Variants in PDK1 observed in about 807,000 individuals in gnomAD.
PDK1 encodes pyruvate dehydrogenase kinase 1, also known as [Pyruvate dehydrogenase (acetyl-transferring)] kinase isozyme 1, mitochondrial.
A neutral mutation model predicts 54.2 loss-of-function variants in PDK1; 39 were observed. The observed-to-expected ratio is 0.72, with a 90% confidence interval of 0.56 to 0.94. PDK1 has a LOEUF of 0.94. Ranked by LOEUF, PDK1 falls within the 40% of genes least tolerant of loss-of-function variation. The probability of loss-of-function intolerance (pLI) is 0.00; values close to 1 mark genes in which losing one functional copy is unlikely to be tolerated. For missense variants in PDK1, 552 were observed against 566.0 expected (o/e 0.98, Z 0.25); for synonymous variants, 221 against 207.1 (o/e 1.07, Z -0.58).
the PDK1 span, among the ~76,000 whole-genome samples, chr2:172,644,407 T>A: frequency 6.6e-6 from 1 of 152,224 alleles, no homozygotes; most frequent in Non-Finnish European, 1.5e-5. Context: ...GGGCCTTTTT[T>A]AAGCCTCCTC....
chr2:172,633,507 T>C, the PDK1 span, among the ~76,000 whole-genome samples: 1 of 151,398 alleles, frequency 6.6e-6, no homozygotes, highest in Non-Finnish European at 1.5e-5. Context: ...CTGATTCTGA[T>C]AATTTATAGT....
chr2:172,558,974 A>G (rs1688508879), intron 2 of PDK1, 125 bp downstream of exon 2: 5 of 1,002,822 alleles, frequency 5.0e-6, no homozygotes, highest in Non-Finnish European at 5.8e-6. Flanking sequence ...TTTGAGACGG[A>G]GTCTTGCTCT....
At chr2:172,700,213 C>G in the PDK1 span, among the ~76,000 whole-genome samples, 2 of 152,214 alleles carry the variant, frequency 1.3e-5, no homozygotes, top group Admixed American at 6.5e-5. Context: ...CACTTCCCCC[C>G]TTTCTATTCG....
the PDK1 span, among the ~76,000 whole-genome samples, chr2:172,675,620 G>A: frequency 6.6e-6 from 1 of 152,164 alleles, no homozygotes. Flanking sequence ...AAAGTTTGAA[G>A]CTACTAGAGG....
intron 9 of PDK1, among the ~76,000 whole-genome samples, 177 bp from the exon 10 acceptor site, chr2:172,592,758 T>G (rs1015243367): frequency 1.3e-5 from 2 of 152,214 alleles, no homozygotes; most frequent in Non-Finnish European, 2.9e-5. Flanking sequence ...GATACAGTAC[T>G]CAAGTAAACC....
chr2:172,580,845 G>C (rs543462244), intron 8 of PDK1, among the ~76,000 whole-genome samples: 7 of 151,702 alleles, frequency 4.6e-5, no homozygotes, highest in Non-Finnish European at 8.8e-5. Context: ...CTAAGTGAAA[G>C]AAGCCAATCA....
At position 172,605,247 on chromosome 2, in the gene PDK1, A is replaced by T. The variant is rs1691248288; in HGVS notation, c.*9278A>T. On this transcript the variant is annotated 3_prime_UTR_variant, in exon 11 of 11. Transcript: ENST00000282077. Reference sequence around the variant, plus strand: ...ATACCATAATGCCTCCTTCTATTCCACTATGAACAGTCAAGGACACTGGAG... The same window carrying T: ...ATACCATAATGCCTCCTTCTATTCCTCTATGAACAGTCAAGGACACTGGAG... 6.6e-6 allele frequency: 1 copy of T among 151,982 alleles called. No homozygotes were observed. The highest frequency in any genetic ancestry group is 6.6e-5 in the Admixed American group (1 of 15,248). 9.4% of individuals were successfully genotyped at this position (151,982 alleles called of 1,614,324 possible). A position where few individuals can be genotyped will look rare whatever the true frequency, so the allele number is the denominator to read the frequency against.
the PDK1 span, among the ~76,000 whole-genome samples, chr2:172,622,528 T>C: frequency 1.4e-5 from 2 of 143,294 alleles, no homozygotes; most frequent in South Asian, 4.7e-4. Context: ...TTATATCATA[T>C]ATTATGTGAG....
the PDK1 span, among the ~76,000 whole-genome samples, chr2:172,700,975 C>A: frequency 6.6e-6 from 1 of 151,832 alleles, no homozygotes; most frequent in Non-Finnish European, 1.5e-5. Flanking sequence ...CTCGGCTTGG[C>A]ATCAGAGGGA....
intron 8 of PDK1, among the ~76,000 whole-genome samples, chr2:172,579,517 C>G (rs899686565): frequency 3.4e-5 from 5 of 145,624 alleles, no homozygotes; most frequent in African/African-American, 5.1e-5. Flanking sequence ...CCCCCTCCCC[C>G]GCTCTTTCTT....
At chr2:172,577,843 C>A (rs1689661614) in intron 8 of PDK1, among the ~76,000 whole-genome samples, 3 of 152,096 alleles carry the variant, frequency 2.0e-5, no homozygotes, top group Admixed American at 2.0e-4. Context: ...TCAGATAGGA[C>A]ACAAAAAGAG....
the PDK1 span, among the ~76,000 whole-genome samples, chr2:172,645,361 C>G: frequency 6.8e-6 from 1 of 147,802 alleles, no homozygotes; most frequent in African/African-American, 2.5e-5. Flanking sequence ...ACCTCTGCCT[C>G]CCGGGTTCAA....
At chr2:172,632,623 G>A in the PDK1 span, among the ~76,000 whole-genome samples, 1 of 152,108 alleles carries the variant, frequency 6.6e-6, no homozygotes, top group Non-Finnish European at 1.5e-5. Context: ...AGTCATTGTT[G>A]GCAGTTGGCA....
At chr2:172,703,119 C>T in the PDK1 span, among the ~76,000 whole-genome samples, 2 of 152,124 alleles carry the variant, frequency 1.3e-5, no homozygotes, top group Non-Finnish European at 2.9e-5. Flanking sequence ...GGAGATTTTG[C>T]ACACACATGC....
the PDK1 span, among the ~76,000 whole-genome samples, chr2:172,668,217 G>A: frequency 2.8e-3 from 424 of 151,760 alleles, 2 homozygotes; most frequent in African/African-American, 9.4e-3. Flanking sequence ...AGTAATAACT[G>A]CAAACCAGCA....
At chr2:172,658,907 C>A in the PDK1 span, among the ~76,000 whole-genome samples, 3 of 152,132 alleles carry the variant, frequency 2.0e-5, no homozygotes, top group Admixed American at 1.3e-4. Context: ...TGAACATAGA[C>A]CCTTATCAGG....
the PDK1 span, among the ~76,000 whole-genome samples, chr2:172,713,545 T>G: frequency 3.3e-5 from 5 of 152,324 alleles, no homozygotes; most frequent in South Asian, 1.0e-3. Context: ...GGCAGGGGGC[T>G]GGCGTGTCAG....
chr2:172,686,913 A>G, the PDK1 span, among the ~76,000 whole-genome samples: 1 of 152,244 alleles, frequency 6.6e-6, no homozygotes, highest in African/African-American at 2.4e-5. Context: ...AATGAACTTA[A>G]TCACATACCA....
the PDK1 span, among the ~76,000 whole-genome samples, chr2:172,662,308 A>T: frequency 6.6e-6 from 1 of 152,216 alleles, no homozygotes; most frequent in Non-Finnish European, 1.5e-5. Context: ...ATTAGCCAGC[A>T]CTGCCCTCTG....
Sources: gnomAD v4.1 joint callset for allele counts (sites outside exome capture counted in the v4.1 genomes callset) on GRCh38, gnomAD v4.1.1 for gene constraint, MANE v1.5 for transcripts, NCBI Gene and HGNC (gene_info 2026-07-23, HGNC 2026-07-21) for gene names.